The following CNTN4 variants were observed in gnomAD, a reference collection of about 807,000 sequenced individuals.
CNTN4 encodes the protein contactin-4.
In CNTN4, 77 loss-of-function variants were observed where a neutral mutation model predicts 122.5. That is an observed-to-expected ratio of 0.63 (90% CI 0.52 to 0.76). The LOEUF (loss-of-function observed/expected upper bound fraction) is 0.76, where lower values mean the gene tolerates loss of function less well. CNTN4 is among the 30% of genes least tolerant of loss of function. The pLI is 0.00. For missense variants in CNTN4, 1,256 were observed against 1,259.1 expected (o/e 1.00, Z 0.04); for synonymous variants, 512 against 447.0 (o/e 1.15, Z -1.83).
At chr3:2,457,896 A>C (rs73804597) in intron 3 of CNTN4, among the ~76,000 whole-genome samples, 1 of 152,082 alleles carries the variant, frequency 6.6e-6, no homozygotes, top group Admixed American at 6.6e-5. Flanking sequence ...CCACTTGGCC[A>C]TGCTGAGGGC....
intron 13 of CNTN4, among the ~76,000 whole-genome samples, chr3:2,941,582 C>T (rs1003790695): frequency 6.6e-6 from 1 of 152,194 alleles, no homozygotes; most frequent in African/African-American, 2.4e-5. Context: ...TTCCAAAGAA[C>T]ATAATCTATC....
chr3:2,405,600 TA>T (rs1458680497), intron 3 of CNTN4, among the ~76,000 whole-genome samples: 2 of 21,296 alleles, frequency 9.4e-5, no homozygotes, highest in Non-Finnish European at 2.5e-4. Flanking sequence ...GATAGGTAGA[TA>T]GATAGATAGA....
At chr3:2,561,515 C>T (rs1038826628) in intron 3 of CNTN4, among the ~76,000 whole-genome samples, 4 of 152,222 alleles carry the variant, frequency 2.6e-5, no homozygotes, top group Admixed American at 6.5e-5. Flanking sequence ...CCCTTTGGCA[C>T]GGTGTGCTCC....
At chr3:2,397,301 G>A (rs536213203) in intron 3 of CNTN4, among the ~76,000 whole-genome samples, 9 of 151,744 alleles carry the variant, frequency 5.9e-5, no homozygotes, top group Non-Finnish European at 1.3e-4. Context: ...AACTAAAAAC[G>A]TATTAATTTT....
chr3:2,891,668 A>G (rs1235441642), intron 10 of CNTN4, among the ~76,000 whole-genome samples: 1 of 152,152 alleles, frequency 6.6e-6, no homozygotes, highest in Non-Finnish European at 1.5e-5. Context: ...GACTTTCTTG[A>G]TATGCAGCAG....
At chr3:2,430,194 C>T (rs1431139303) in intron 3 of CNTN4, among the ~76,000 whole-genome samples, 7 of 151,874 alleles carry the variant, frequency 4.6e-5, no homozygotes, top group Admixed American at 1.3e-4. Flanking sequence ...GAGGCCGAGG[C>T]GGGTGGATCA....
At chr3:2,340,642 T>C (rs957455502) in intron 3 of CNTN4, among the ~76,000 whole-genome samples, 28 of 141,882 alleles carry the variant, frequency 2.0e-4, no homozygotes, top group African/African-American at 7.3e-4. Context: ...ATTGCACCAC[T>C]GCACTGTAGC....
intron 3 of CNTN4, among the ~76,000 whole-genome samples, chr3:2,424,237 C>G (rs1307956941): frequency 7.6e-6 from 1 of 130,860 alleles, no homozygotes; most frequent in Non-Finnish European, 1.6e-5. Flanking sequence ...TACAGCAGGC[C>G]CTGGTGTGTG....
chr3:2,361,120 G>A (rs2045116892), intron 3 of CNTN4, among the ~76,000 whole-genome samples: 1 of 152,154 alleles, frequency 6.6e-6, no homozygotes, highest in South Asian at 2.1e-4. Context: ...AATACATGAT[G>A]AGATGCTCAA....
intron 2 of CNTN4, among the ~76,000 whole-genome samples, chr3:2,112,931 C>T (rs113185592): frequency 2.5e-3 from 388 of 152,176 alleles, no homozygotes; most frequent in Non-Finnish European, 4.3e-3. Context: ...TAGTATTCTC[C>T]CCTGTTAGGT....
intron 4 of CNTN4, among the ~76,000 whole-genome samples, chr3:2,682,841 A>G (rs2085234325): frequency 1.3e-5 from 2 of 152,102 alleles, no homozygotes; most frequent in Non-Finnish European, 1.5e-5. Context: ...AAAGTGCCCA[A>G]TCTTCCCAGT....
chr3:2,492,666 C>G (rs892169160), intron 3 of CNTN4, among the ~76,000 whole-genome samples: 12 of 152,184 alleles, frequency 7.9e-5, no homozygotes, highest in Admixed American at 5.9e-4. Context: ...GGCTTATTAT[C>G]AAATTTTCTT....
At chr3:2,266,109 A>G (rs2041034164) in intron 2 of CNTN4, among the ~76,000 whole-genome samples, 1 of 151,934 alleles carries the variant, frequency 6.6e-6, no homozygotes, top group South Asian at 2.1e-4. Context: ...TGGTGAATGG[A>G]AGTGGTGAAT....
intron 6 of CNTN4, among the ~76,000 whole-genome samples, chr3:2,803,733 G>T (rs1293103344): frequency 3.3e-5 from 5 of 151,704 alleles, no homozygotes; most frequent in African/African-American, 1.2e-4. Context: ...CTAATTTTTT[G>T]TATTTTTCAG....
intron 4 of CNTN4, among the ~76,000 whole-genome samples, chr3:2,575,884 T>A (rs1402063381): frequency 6.8e-6 from 1 of 146,396 alleles, no homozygotes; most frequent in African/African-American, 2.6e-5. Flanking sequence ...TGCAGGGGTG[T>A]GATCTCGGCT....
At chr3:2,266,503 A>C (rs2149787376) in intron 2 of CNTN4, among the ~76,000 whole-genome samples, 1 of 152,138 alleles carries the variant, frequency 6.6e-6, no homozygotes, top group South Asian at 2.1e-4. Context: ...CTTCCTAAAA[A>C]TCAAATCTCC....
chr3:2,320,387 G>C (rs3967750), intron 2 of CNTN4, among the ~76,000 whole-genome samples: 30,361 of 152,012 alleles, frequency 0.2, 3,428 homozygotes, highest in Non-Finnish European at 0.25. Context: ...CTAATATTAG[G>C]TTATGTGCCT....
At chr3:2,434,679 CT>C (rs1224749581) in intron 3 of CNTN4, among the ~76,000 whole-genome samples, 10 of 152,106 alleles carry the variant, frequency 6.6e-5, no homozygotes, top group African/African-American at 2.4e-4. Flanking sequence ...GTTGCAGGCA[CT>C]TTATATTGGA....
At chr3:2,747,331 C>T (rs1576645547) in intron 6 of CNTN4, among the ~76,000 whole-genome samples, 1 of 151,416 alleles carries the variant, frequency 6.6e-6, no homozygotes, top group African/African-American at 2.4e-5. Flanking sequence ...ATGGCGGGAA[C>T]CCGGGAGGCG....
Sources: allele counts gnomAD v4.1 joint callset (sites outside exome capture counted in the v4.1 genomes callset), GRCh38; gene constraint gnomAD v4.1.1; transcripts MANE v1.5; gene names NCBI Gene and HGNC (gene_info 2026-07-23, HGNC 2026-07-21).